Variants in HEBP2 observed in about 807,000 individuals in gnomAD.
The protein encoded by HEBP2 is heme-binding protein 2.
Under a neutral mutation model 23.1 loss-of-function variants are expected in HEBP2, and 27 were observed. The ratio of observed to expected loss-of-function variants is 1.17; its 90% CI spans 0.86 to 1.61. HEBP2 has a LOEUF of 1.61. Among genes scored for constraint, HEBP2 ranks in the 40% most tolerant of loss-of-function variants. HEBP2 has a pLI of 0.00. For missense variants in HEBP2, 245 were observed against 253.8 expected, an observed-to-expected ratio of 0.97 and a Z score of 0.24; for synonymous variants, 99 against 95.1, an observed-to-expected ratio of 1.04 and a Z score of -0.24.
Position 138,409,813 on chromosome 6 carries a change from A to C in HEBP2, c.420-3067A>C, listed in dbSNP as rs57266367. Among the ~76,000 whole-genome samples the C allele has an allele frequency of 2.2e-3, 338 of 152,246 alleles. 3 individuals carry two copies. The highest frequency in any genetic ancestry group is 7.5e-3 in the African/African-American group (313 of 41,542). On this transcript the variant is annotated intron_variant, in intron 3 of 3. Coordinates refer to ENST00000607197, the MANE Select transcript of HEBP2 (RefSeq NM_014320.3). ...CCACCACTTGGGCTTCTCACCCTTC[A>C]TGTAACATGCCATGTTCTTCCACAT...
intron 2 of HEBP2, 96 bp from the exon 3 acceptor site, chr6:138,405,875 G>A: frequency 1.0e-6 from 1 of 982,980 alleles, no homozygotes; most frequent in Non-Finnish European, 1.5e-6. Flanking sequence ...TGTCAACAAT[G>A]TGAAGTAAAT....
intron 1 of HEBP2, 119 bp from the exon 2 acceptor site, chr6:138,405,026 C>A: frequency 9.4e-7 from 1 of 1,061,616 alleles, no homozygotes; most frequent in Non-Finnish European, 1.4e-6. Context: ...GACCCCGGGG[C>A]GGTGCAGCCC....
intron 3 of HEBP2, 119 bp from the exon 4 acceptor site, chr6:138,412,761 A>G: frequency 6.0e-6 from 5 of 831,314 alleles, no homozygotes; most frequent in Non-Finnish European, 3.9e-6. Context: ...GCCGAGAGGG[A>G]GTAACTTTGG....
At position 138,415,705 on chromosome 6, in the gene HEBP2, A is replaced by T. The variant is rs1182217156; in HGVS notation, c.*2627A>T. On this transcript the variant is annotated 3_prime_UTR_variant, in exon 4 of 4. Coordinates refer to ENST00000607197, the MANE Select transcript of HEBP2 (RefSeq NM_014320.3). ...TGATGGTAAAAGTAGCTAACAGCCAACAAATACTCAACCAAGCCAGGTCTG... is the reference window on the plus strand; with the variant it reads ...TGATGGTAAAAGTAGCTAACAGCCATCAAATACTCAACCAAGCCAGGTCTG... The T allele has an allele frequency of 1.3e-5, 2 of 152,224 alleles. No homozygotes were observed. The highest frequency in any genetic ancestry group is 2.9e-5 in the Non-Finnish European group (2 of 68,046). The allele number at this position is 152,224 out of a possible 1,614,324, so 9.4% of individuals were successfully genotyped here.
At chr6:138,410,430 TA>T (rs1234151118) in intron 3 of HEBP2, among the ~76,000 whole-genome samples, 1 of 152,124 alleles carries the variant, frequency 6.6e-6, no homozygotes, top group Non-Finnish European at 1.5e-5. Flanking sequence ...AAGCATTGGT[TA>T]TTCATCAAGG....
upstream of HEBP2, chr6:138,403,728 T>C: frequency 2.5e-6 from 1 of 407,484 alleles, no homozygotes; most frequent in Non-Finnish European, 4.4e-6. Flanking sequence ...AGCACTAGTG[T>C]CTGGCCTCGG....
chr6:138,406,547 G>A (rs1486481087), intron 3 of HEBP2, among the ~76,000 whole-genome samples: 1 of 152,180 alleles, frequency 6.6e-6, no homozygotes, highest in Non-Finnish European at 1.5e-5. Flanking sequence ...TGGAGACAAG[G>A]AAGTTCAAGT....
chr6:138,403,837 C>T (rs2114760326), upstream of HEBP2: 4 of 399,896 alleles, frequency 1.0e-5, no homozygotes, highest in East Asian at 1.4e-4. Flanking sequence ...GTTCCAGATT[C>T]TCTCCATGTG....
At chr6:138,409,451 A>G (rs895459298) in intron 3 of HEBP2, among the ~76,000 whole-genome samples, 1 of 152,148 alleles carries the variant, frequency 6.6e-6, no homozygotes, top group African/African-American at 2.4e-5. Context: ...ATTGTGACTT[A>G]CTCGGGTCTT....
rs183527227 is a variant in HEBP2 at position 138,414,929 on chromosome 6, G to A, written c.*1851G>A. 1,017 of 152,294 alleles carry A rather than the reference G, an allele frequency of 6.7e-3. 3 individuals are homozygous for A. Among genetic ancestry groups the A allele is most frequent in the Non-Finnish European group, 0.01 (708 of 68,066 alleles). 9.4% of individuals were successfully genotyped at this position (152,294 alleles called of 1,614,324 possible). On this transcript the variant is annotated 3_prime_UTR_variant, in exon 4 of 4. Coordinates refer to ENST00000607197, the MANE Select transcript of HEBP2 (RefSeq NM_014320.3). ...AAATTAGCCAAGCGTGGTGGCACAC[G>A]CCTGTATTCCTAGCTCCTGAGGTGA...
At chr6:138,410,125 C>T (rs1372284255) in intron 3 of HEBP2, among the ~76,000 whole-genome samples, 1 of 152,244 alleles carries the variant, frequency 6.6e-6, no homozygotes, top group Non-Finnish European at 1.5e-5. Context: ...GTCCTGGGGC[C>T]CTTCTATTCT....
At position 138,419,487 on chromosome 6, in the gene HEBP2, A is replaced by C. The variant is rs1257155611; in HGVS notation, c.*6409A>C. On this transcript the variant is annotated 3_prime_UTR_variant, in exon 4 of 4. Transcript: ENST00000607197. Reference sequence around the variant, plus strand: ...CGTAGATTTGCTGAATACGTGATCTATACATGTTAACACCCAATCAGGGAG... The same window carrying C: ...CGTAGATTTGCTGAATACGTGATCTCTACATGTTAACACCCAATCAGGGAG... 1.3e-5 allele frequency: 2 copies of C among 152,160 alleles called. No individual in the cohort carries two copies. Among genetic ancestry groups the C allele is most frequent in the African/African-American group, 4.8e-5 (2 of 41,416 alleles). 9.4% of individuals were successfully genotyped at this position (152,160 alleles called of 1,614,324 possible).
upstream of HEBP2, chr6:138,403,578 G>C (rs544405143): frequency 4.7e-5 from 22 of 466,612 alleles, no homozygotes; most frequent in Admixed American, 1.6e-4. Context: ...GAGTCCTCTG[G>C]GGGGCGCCGG....
At chr6:138,405,763 C>T (rs915342496) in intron 2 of HEBP2, among the ~76,000 whole-genome samples, 3 of 152,028 alleles carry the variant, frequency 2.0e-5, no homozygotes, top group Admixed American at 2.0e-4. Flanking sequence ...ATTTATTAAC[C>T]CAGAATATCA....
At position 138,404,262 on chromosome 6, in the gene HEBP2, C is replaced by A. The variant is rs1583100323; in HGVS notation, c.-234C>A. The A allele has an allele frequency of 1.6e-5, 5 of 321,792 alleles. No individual in the cohort carries two copies. The East Asian group carries it at 2.4e-4, about 16-fold the overall frequency. The allele number at this position is 321,792 out of a possible 1,614,324, so 19.9% of individuals were successfully genotyped here. ...AGGGGCGGGGGCAGGACGCGCAACT[C>A]CGGCCGGAGCTGTCCGGGGTCGTGA... On this transcript the variant is annotated 5_prime_UTR_variant, in exon 1 of 4. Transcript: ENST00000607197.
chr6:138,404,743 C>T, intron 1 of HEBP2, 146 bp downstream of exon 1: 1 of 502,212 alleles, frequency 2.0e-6, no homozygotes, highest in Non-Finnish European at 3.2e-6. Flanking sequence ...AACGAGAAAC[C>T]CCGGTCATTT....
rs1406352196 is a variant in HEBP2, at chr6:138,415,310, GACTC to G, written c.*2236_*2239del. 3 of 152,314 alleles carry G rather than the reference GACTC, an allele frequency of 2.0e-5. No homozygotes were observed. The highest frequency in any genetic ancestry group is 4.8e-5 in the African/African-American group (2 of 41,552). 9.4% of individuals were successfully genotyped at this position (152,314 alleles called of 1,614,324 possible). ...GTAAGACAGCATTTGCAGGCTGAGTGACTCACTGTCTGGCTGGCTCGGAGGCCCC... is the reference window on the plus strand; with the variant it reads ...GTAAGACAGCATTTGCAGGCTGAGTGACTGTCTGGCTGGCTCGGAGGCCCC... On this transcript the variant is annotated 3_prime_UTR_variant, in exon 4 of 4. Transcript: ENST00000607197.
In HEBP2 at chr6:138,405,235, G is replaced by C; in HGVS notation, c.193G>C (p.Gly65Arg). The change falls in exon 2 of 4, where the codon GGC (glycine) becomes CGC (arginine). Residue 65 changes from glycine to arginine, a missense_variant. Physicochemically the swap from Gly to Arg is moderately radical, Grantham distance 125 (BLOSUM62 -2). Transcript: ENST00000607197. ...GGACTGGGATTCAGCCATCCAGACG[G>C]GCTTTACGAAACTGAACAGCTACAT... ...SMDWDSAIQT[G>R]FTKLNSYIQG... The C allele has an allele frequency of 6.2e-7, 1 of 1,614,176 alleles. No homozygotes were observed. The highest frequency in any genetic ancestry group is 8.5e-7 in the Non-Finnish European group (1 of 1,180,026).
intron 3 of HEBP2, 38 bp downstream of exon 3, chr6:138,406,189 G>C (rs1372783882): frequency 6.3e-7 from 1 of 1,579,036 alleles, no homozygotes; most frequent in Non-Finnish European, 8.7e-7. Flanking sequence ...CTGACTGCTA[G>C]TTTTACTTGC....
Sources: gnomAD v4.1 joint callset for allele counts (sites outside exome capture counted in the v4.1 genomes callset) on GRCh38, gnomAD v4.1.1 for gene constraint, MANE v1.5 for transcripts, NCBI Gene and HGNC (gene_info 2026-07-23, HGNC 2026-07-21) for gene names.